Variants in SYT13 observed in about 807,000 individuals in gnomAD.
SYT13 encodes the protein synaptotagmin-13.
Under a neutral mutation model 38.6 loss-of-function variants are expected in SYT13, and 21 were observed. The ratio of observed to expected loss-of-function variants is 0.54; its 90% CI spans 0.39 to 0.78. The LOEUF is 0.78. Ranked by LOEUF, SYT13 falls within the 30% of genes least tolerant of loss-of-function variation. The pLI is 0.00. For missense variants in SYT13, 495 were observed against 548.7 expected, an observed-to-expected ratio of 0.90 and a Z score of 0.98; for synonymous variants, 241 against 237.6, an observed-to-expected ratio of 1.01 and a Z score of -0.13.
chr11:45,246,088 C>G (rs1854610727), intron 5 of SYT13, among the ~76,000 whole-genome samples: 2 of 152,176 alleles, frequency 1.3e-5, no homozygotes, highest in South Asian at 4.1e-4. Context: ...GTGGTTAGGG[C>G]TGATGGTTCT....
Position 45,275,451 on chromosome 11 carries a change from A to G in SYT13, c.183+10574T>C, listed in dbSNP as rs76532694. Among the ~76,000 whole-genome samples, 1,410 of 152,310 alleles carry G rather than the reference A, an allele frequency of 9.3e-3. 22 individuals are homozygous for G. Among genetic ancestry groups the G allele is most frequent in the African/African-American group, 0.033 (1,360 of 41,558 alleles). Reference sequence around the variant, plus strand: ...TTGACTCTGATCTGTTCCTAAAAACATGGTGATTAGCAGATTTCAGAAAGC... The same window carrying G: ...TTGACTCTGATCTGTTCCTAAAAACGTGGTGATTAGCAGATTTCAGAAAGC... On this transcript the variant is annotated intron_variant, in intron 1 of 5. Transcript: ENST00000020926.
intron 1 of SYT13, among the ~76,000 whole-genome samples, chr11:45,260,082 G>C (rs1006222120): frequency 6.6e-6 from 1 of 152,182 alleles, no homozygotes; most frequent in African/African-American, 2.4e-5. Context: ...TCATGACCCT[G>C]GTGTAGAGAA....
intron 4 of SYT13, among the ~76,000 whole-genome samples, chr11:45,248,104 T>C (rs1029943301): frequency 6.6e-6 from 1 of 152,254 alleles, no homozygotes; most frequent in Non-Finnish European, 1.5e-5. Flanking sequence ...TTAACTTTTC[T>C]AAGCCTCCAT....
chr11:45,285,801 C>T, intron 1 of SYT13: 1 of 723,964 alleles, frequency 1.4e-6, no homozygotes, highest in Non-Finnish European at 2.4e-6. Flanking sequence ...ACAAGCTCGC[C>T]GCTCCCTAAT....
Position 45,270,905 on chromosome 11 carries a change from A to G in SYT13, c.184-15014T>C, listed in dbSNP as rs190495088. ...TCCTTATATATTGGTTTTAAGTCAA[A>G]CCGCTCCACATTATATTGCTGTCAA... On this transcript the variant is annotated intron_variant, in intron 1 of 5. Transcript: ENST00000020926. Among the ~76,000 whole-genome samples, 13 of 152,320 alleles carry G rather than the reference A, an allele frequency of 8.5e-5. No individual in the cohort carries two copies. In the East Asian group the frequency reaches 1.9e-3, roughly 23 times the overall value.
At chr11:45,269,478 A>C (rs1197122653) in intron 1 of SYT13, 1 of 1,286,012 alleles carries the variant, frequency 7.8e-7, no homozygotes, top group Admixed American at 2.3e-5. Context: ...TTTGGCCACC[A>C]CCTCTGTAAA....
At chr11:45,270,797 A>G (rs1462558055) in intron 1 of SYT13, among the ~76,000 whole-genome samples, 4 of 152,188 alleles carry the variant, frequency 2.6e-5, no homozygotes, top group Non-Finnish European at 5.9e-5. Flanking sequence ...AAGCACATCA[A>G]TCTCTAACCT....
intron 2 of SYT13, 63 bp from the exon 3 acceptor site, chr11:45,254,467 C>T: frequency 6.4e-7 from 1 of 1,564,186 alleles, no homozygotes; most frequent in Middle Eastern, 1.7e-4. Context: ...CTGATTACAC[C>T]TTTCTCATCT....
At chr11:45,245,633 A>G (rs1456414187) in intron 5 of SYT13, among the ~76,000 whole-genome samples, 4 of 152,194 alleles carry the variant, frequency 2.6e-5, no homozygotes, top group African/African-American at 7.2e-5. Flanking sequence ...CAGTCCAGGT[A>G]TTATCTGGCT....
intron 1 of SYT13, among the ~76,000 whole-genome samples, chr11:45,274,374 C>T (rs1854985351): frequency 6.6e-6 from 1 of 152,112 alleles, no homozygotes. Context: ...GAATCTGCTC[C>T]ATTTGTTAGT....
rs1554978633 is a variant in SYT13, at chr11:45,240,910, TCA to T, written c.*3140_*3141del. The T allele has an allele frequency of 3.3e-5, 5 of 152,238 alleles. No homozygotes were observed. The highest frequency in any genetic ancestry group is 2.1e-4 in the South Asian group (1 of 4,834). The allele number at this position is 152,238 out of a possible 1,614,324, so 9.4% of individuals were successfully genotyped here. A position where few individuals can be genotyped will look rare whatever the true frequency, so the allele number is the denominator to read the frequency against. On this transcript the variant is annotated 3_prime_UTR_variant, in exon 6 of 6. Transcript: ENST00000020926. The stretch of plus-strand genomic sequence containing the variant: ...AAATGATGAGATACTTCACACAGGC[TCA>T]GTTACTATAATTTGATAGTAAATTG...
Position 45,286,238 on chromosome 11 carries a change from C to A in SYT13, c.-31G>T. 6.6e-7 allele frequency: 1 copy of A among 1,505,626 alleles called. No individual in the cohort carries two copies. Among genetic ancestry groups the A allele is most frequent in the Non-Finnish European group, 8.9e-7 (1 of 1,129,594 alleles). The allele number at this position is 1,505,626 out of a possible 1,614,324, so 93.3% of individuals were successfully genotyped here. A position where few individuals can be genotyped will look rare whatever the true frequency, so the allele number is the denominator to read the frequency against. On this transcript the variant is annotated 5_prime_UTR_variant, in exon 1 of 6. Coordinates refer to ENST00000020926, the MANE Select transcript of SYT13 (RefSeq NM_020826.3). ...CCGCTCCCGGCGAGGGGCTGGGTCC[C>A]GCAGCCGCTCACCTTCCCCGGGCCG...
chr11:45,251,964 T>A (rs929641019), intron 4 of SYT13, among the ~76,000 whole-genome samples: 2 of 152,182 alleles, frequency 1.3e-5, no homozygotes, highest in Non-Finnish European at 2.9e-5. Context: ...AATATCGTCA[T>A]CATTTGTCTG....
At chr11:45,262,721 T>TCTCACA (rs532630805) in intron 1 of SYT13, among the ~76,000 whole-genome samples, 11 of 78,168 alleles carry the variant, frequency 1.4e-4, no homozygotes, top group Non-Finnish European at 3.4e-4. Flanking sequence ...GGAGATCCTA[T>TCTCACA]CACACACACA....
At chr11:45,258,133 C>T (rs1449288938) in intron 1 of SYT13, among the ~76,000 whole-genome samples, 1 of 152,210 alleles carries the variant, frequency 6.6e-6, no homozygotes, top group Non-Finnish European at 1.5e-5. Flanking sequence ...GTGAGGGCAG[C>T]AGCAGAGTAA....
intron 1 of SYT13, among the ~76,000 whole-genome samples, chr11:45,262,432 C>G (rs1854828080): frequency 6.6e-6 from 1 of 152,070 alleles, no homozygotes; most frequent in Non-Finnish European, 1.5e-5. Context: ...TGAATTAATA[C>G]CACTGAACTG....
rs545106001 is a variant in SYT13 at position 45,269,327 on chromosome 11, AC to A, written c.184-13437del. 113 of 728,402 alleles carry A rather than the reference AC, an allele frequency of 1.6e-4. No homozygotes were observed. In the African/African-American group the frequency reaches 1.6e-3, roughly 10 times the overall value. 45.1% of individuals were successfully genotyped at this position (728,402 alleles called of 1,614,324 possible). On this transcript the variant is annotated intron_variant, in intron 1 of 5. Transcript: ENST00000020926. ...AAATTTTAAAACAATTATTAAAAAA[AC>A]AAACAAAAAAACAAAACAAACAAAC... is the stretch of plus-strand genomic sequence containing the variant.
intron 3 of SYT13, among the ~76,000 whole-genome samples, chr11:45,253,653 C>T (rs1259531228): frequency 2.6e-5 from 4 of 152,200 alleles, no homozygotes; most frequent in Non-Finnish European, 4.4e-5. Flanking sequence ...TCCTGCCACC[C>T]TCAGGCCGCT....
Position 45,244,005 on chromosome 11 carries a change from G to A in SYT13, c.*47C>T, listed in dbSNP as rs1294662214. ...AAAGGGGCACAGAAAGGAGGTTGCAGAGGACGGGTCAGGGCTGTCCAAGAA... is the reference window on the plus strand; with the variant it reads ...AAAGGGGCACAGAAAGGAGGTTGCAAAGGACGGGTCAGGGCTGTCCAAGAA... On this transcript the variant is annotated 3_prime_UTR_variant, in exon 6 of 6. Coordinates refer to ENST00000020926, the MANE Select transcript of SYT13 (RefSeq NM_020826.3). The A allele has an allele frequency of 8.5e-6, 13 of 1,527,428 alleles. No individual in the cohort carries two copies. Among genetic ancestry groups the A allele is most frequent in the African/African-American group, 6.8e-5 (5 of 73,246 alleles). The allele number at this position is 1,527,428 out of a possible 1,614,324, so 94.6% of individuals were successfully genotyped here.
Sources: allele counts gnomAD v4.1 joint callset (sites outside exome capture counted in the v4.1 genomes callset), GRCh38; gene constraint gnomAD v4.1.1; transcripts MANE v1.5; gene names NCBI Gene and HGNC (gene_info 2026-07-23, HGNC 2026-07-21).